Variants in PCDHA1 observed in about 807,000 individuals in gnomAD.
The protein encoded by PCDHA1 is protocadherin alpha 1.
In PCDHA1, 42 loss-of-function variants were observed where a neutral mutation model predicts 61.3. That is an observed-to-expected ratio of 0.69 (90% CI 0.54 to 0.89). The LOEUF is 0.89. Ranked by LOEUF, PCDHA1 falls within the 40% of genes least tolerant of loss-of-function variation. PCDHA1 has a pLI of 0.00. For missense variants in PCDHA1, 1,256 were observed against 1,235.3 expected (o/e 1.02, Z -0.25); for synonymous variants, 610 against 553.8 (o/e 1.10, Z -1.43).
intron 1 of PCDHA1, among the ~76,000 whole-genome samples, chr5:140,950,215 T>C (rs2094460409): frequency 6.6e-6 from 1 of 152,030 alleles, no homozygotes; most frequent in Non-Finnish European, 1.5e-5. Flanking sequence ...TACCTAGTCA[T>C]TTACCATTTC....
At chr5:140,937,945 G>T (rs1464890227) in intron 1 of PCDHA1, among the ~76,000 whole-genome samples, 1 of 151,840 alleles carries the variant, frequency 6.6e-6, no homozygotes, top group Non-Finnish European at 1.5e-5. Context: ...TTGATAATTG[G>T]CTTTTGTTGA....
chr5:140,893,866 C>T (rs915926825), intron 1 of PCDHA1, among the ~76,000 whole-genome samples: 5 of 152,102 alleles, frequency 3.3e-5, no homozygotes, highest in African/African-American at 1.2e-4. Context: ...TAGAAACAAC[C>T]CAGATCCAAA....
At chr5:140,841,961 G>A (rs1221561116) in intron 1 of PCDHA1, 1 of 1,613,790 alleles carries the variant, frequency 6.2e-7, no homozygotes, top group Non-Finnish European at 8.5e-7. Flanking sequence ...ATTCCTGACA[G>A]CCACAGATGG....
chr5:140,895,253 C>CT (rs1411327383), intron 1 of PCDHA1, among the ~76,000 whole-genome samples: 1 of 151,966 alleles, frequency 6.6e-6, no homozygotes. Context: ...TCAAAGCTTT[C>CT]TTTTTTTTCT....
chr5:140,851,821 C>A, intron 1 of PCDHA1: 1 of 958,244 alleles, frequency 1.0e-6, no homozygotes, highest in Non-Finnish European at 1.3e-6. Context: ...AGACAGAAAT[C>A]TGTTTTTTTA....
At chr5:140,845,315 ATTACT>A (rs1156413358) in intron 1 of PCDHA1, among the ~76,000 whole-genome samples, 1 of 149,596 alleles carries the variant, frequency 6.7e-6, no homozygotes, top group Non-Finnish European at 1.5e-5. Context: ...GTTCTCAGGT[ATTACT>A]TTAATTACTG....
At chr5:140,823,060 G>A in intron 1 of PCDHA1, 1 of 1,614,138 alleles carries the variant, frequency 6.2e-7, no homozygotes, top group Non-Finnish European at 8.5e-7. Context: ...CGCGCGGGAC[G>A]GGGGCTCGCC....
At chr5:140,837,516 C>CT (rs1554136502) in intron 1 of PCDHA1, among the ~76,000 whole-genome samples, 2 of 151,568 alleles carry the variant, frequency 1.3e-5, no homozygotes, top group African/African-American at 4.9e-5. Flanking sequence ...AAGCAGTTTA[C>CT]TTTTTTTGTA....
chr5:140,787,931 C>G lies in PCDHA1; in HGVS notation c.1641C>G (p.Ser547Arg), dbSNP rs1015476965. Residue 547 changes from serine to arginine, a missense_variant, in exon 1 of 4, where the codon AGC becomes AGG. Transcript: ENST00000504120. ...ARDAGVPPLG[S>R]NVTLQVFVLD... is the part of the protein sequence containing the mutation. Reference sequence around the variant, plus strand: ...ATGCGGGCGTGCCGCCTCTGGGCAGCAACGTGACGCTGCAGGTGTTCGTGC... The same window carrying G: ...ATGCGGGCGTGCCGCCTCTGGGCAGGAACGTGACGCTGCAGGTGTTCGTGC... 1.9e-6 allele frequency: 3 copies of G among 1,613,860 alleles called. No homozygotes were observed. The highest frequency in any genetic ancestry group is 2.5e-6 in the Non-Finnish European group (3 of 1,179,912).
At chr5:140,841,713 C>G in intron 1 of PCDHA1, 2 of 1,613,888 alleles carry the variant, frequency 1.2e-6, no homozygotes, top group Non-Finnish European at 1.7e-6. Context: ...GACAACCCGC[C>G]AGTGTTCCGG....
At chr5:140,850,208 G>T (rs2150473240) in intron 1 of PCDHA1, 1 of 1,593,570 alleles carries the variant, frequency 6.3e-7, no homozygotes, top group Non-Finnish European at 8.6e-7. Flanking sequence ...CTCGGATGAG[G>T]GGCACTGACG....
chr5:140,822,172 TC>T, intron 1 of PCDHA1: 1 of 1,614,252 alleles, frequency 6.2e-7, no homozygotes, highest in Non-Finnish European at 8.5e-7. Context: ...GCCCAGGTTC[TC>T]CAGACAAGAA....
intron 1 of PCDHA1, among the ~76,000 whole-genome samples, chr5:140,896,733 C>T (rs920661983): frequency 2.0e-5 from 3 of 151,970 alleles, no homozygotes; most frequent in Non-Finnish European, 2.9e-5. Flanking sequence ...TGTTTAAGTT[C>T]CTTATAGATT....
At chr5:140,965,343 T>C (rs1460433512) in intron 1 of PCDHA1, among the ~76,000 whole-genome samples, 1 of 152,154 alleles carries the variant, frequency 6.6e-6, no homozygotes, top group Admixed American at 6.5e-5. Flanking sequence ...TGTCTCTGTG[T>C]TGCCTCTATA....
chr5:140,824,632 TA>T lies in PCDHA1; in HGVS notation c.2394+35949del, dbSNP rs1368126931. 1,053 of 118,568 alleles carry T rather than the reference TA, an allele frequency of 8.9e-3. 203 individuals carry two copies. The highest frequency in any genetic ancestry group is 0.034 in the African/African-American group (833 of 24,828). 7.3% of individuals were successfully genotyped at this position (118,568 alleles called of 1,614,324 possible). A position where few individuals can be genotyped will look rare whatever the true frequency, so the allele number is the denominator to read the frequency against. ...AAAGTTTTTTTTTTTTTTTTTTTTT[TA>T]TTTTCTGTAGAGATAGGGGTCTTGC... On this transcript the variant is annotated intron_variant, in intron 1 of 3. Transcript: ENST00000504120.
At chr5:140,865,269 T>C (rs2048801874) in intron 1 of PCDHA1, 1 of 152,262 alleles carries the variant, frequency 6.6e-6, no homozygotes. Flanking sequence ...TATCAAATTA[T>C]ATGTAAAATT....
Position 140,978,996 on chromosome 5 carries a change from A to C in PCDHA1, c.2442A>C (p.Ala814=). Residue 814 remains alanine, a synonymous_variant, in exon 2 of 4, where the codon GCA becomes GCC. Transcript: ENST00000504120. ...GGCGTTACTCTGCCTCCCTGAGAGC[A>C]GGCATGCACAGGTATGTATTTCCCT... ...PDWRYSASLR[A]GMHSSVHLEE... is the part of the protein sequence containing the mutation. 6.2e-7 allele frequency: 1 copy of C among 1,614,186 alleles called. No individual in the cohort carries two copies. The highest frequency in any genetic ancestry group is 8.5e-7 in the Non-Finnish European group (1 of 1,180,024).
rs782205253 is a variant in PCDHA1, at chr5:140,927,557, T to C, written c.2395-51392T>C. 12 of 1,614,028 alleles carry C rather than the reference T, an allele frequency of 7.4e-6. No homozygotes were observed. In the East Asian group the frequency reaches 2.7e-4, roughly 36 times the overall value. On this transcript the variant is annotated intron_variant, in intron 1 of 3. Coordinates refer to ENST00000504120, the MANE Select transcript of PCDHA1 (RefSeq NM_018900.4). ...TCAGGAGACGCACAAGTCACCATCATTGTGGTGGACACAAATGACAACGCG... is the reference window on the plus strand; with the variant it reads ...TCAGGAGACGCACAAGTCACCATCACTGTGGTGGACACAAATGACAACGCG...
At chr5:140,797,162 CG>C in intron 1 of PCDHA1, 2 of 1,614,014 alleles carry the variant, frequency 1.2e-6, no homozygotes, top group Non-Finnish European at 1.7e-6. Flanking sequence ...GGTGCGCGCG[CG>C]CCAGGAAAGC....
Sources: allele counts gnomAD v4.1 joint callset (sites outside exome capture counted in the v4.1 genomes callset), GRCh38; gene constraint gnomAD v4.1.1; transcripts MANE v1.5; gene names NCBI Gene and HGNC (gene_info 2026-07-23, HGNC 2026-07-21).